The following NUP153 variants were observed in gnomAD, a reference collection of about 807,000 sequenced individuals.
NUP153 encodes the protein nuclear pore complex protein Nup153.
NUP153 carries 27 observed loss-of-function variants against 134.6 expected under a neutral mutation model. The observed-to-expected ratio is 0.20, with a 90% CI of 0.15 to 0.28. The LOEUF (loss-of-function observed/expected upper bound fraction) is 0.28, where lower values mean the gene tolerates loss of function less well. Among genes scored for constraint, NUP153 ranks in the 10% least tolerant of loss-of-function variants. NUP153 has a pLI of 1.00. For missense variants in NUP153, 1,821 were observed against 1,731.3 expected (o/e 1.05, Z -0.92); for synonymous variants, 640 against 623.5 (o/e 1.03, Z -0.40).
At position 17,639,987 on chromosome 6, in the gene NUP153, C is replaced by A; in HGVS notation, c.1798G>T (p.Ala600Ser). 2 of 1,612,836 alleles carry A rather than the reference C, an allele frequency of 1.2e-6. No homozygotes were observed. Among genetic ancestry groups the A allele is most frequent in the Non-Finnish European group, 1.7e-6 (2 of 1,179,214 alleles). The change falls in exon 15 of 22, where the codon GCA (alanine) becomes TCA (serine). Residue 600 changes from alanine (A) to serine (S), a missense_variant. Coordinates refer to ENST00000262077, the MANE Select transcript of NUP153 (RefSeq NM_005124.4). ...ACACTTCCTTCTTTCAGGATTTCTG[C>A]AGGTCTAAAAGGACCCTCACAATCT... ...PEDCEGPFRP[A>S]EILKEGSVLD... is the part of the protein sequence containing the mutation.
rs976395535 is a variant in NUP153 at position 17,680,040 on chromosome 6, T to C, written c.335-4270A>G. On this transcript the variant is annotated intron_variant, in intron 2 of 21. Coordinates refer to ENST00000262077, the MANE Select transcript of NUP153 (RefSeq NM_005124.4). This position sits in a 1 kb window ranked among gnomAD's most constrained non-coding sequence, Gnocchi z 4.5. ...AGCCCAGCCTGCATACCTTACCCCA[T>C]GTCAATTCCTGCGCTTTGCCTAATA... is the stretch of plus-strand genomic sequence containing the variant. 2.0e-5 allele frequency among the ~76,000 whole-genome samples: 3 copies of C among 152,154 alleles called. No individual in the cohort carries two copies. Among genetic ancestry groups the C allele is most frequent in the East Asian group, 3.9e-4 (2 of 5,190 alleles).
At position 17,647,798 on chromosome 6, in the gene NUP153, G is replaced by T; in HGVS notation, c.1632+9C>A. 6.6e-7 allele frequency: 1 copy of T among 1,505,390 alleles called. No homozygotes were observed. Among genetic ancestry groups the T allele is most frequent in the Non-Finnish European group, 9.2e-7 (1 of 1,082,818 alleles). 93.3% of individuals were successfully genotyped at this position (1,505,390 alleles called of 1,614,324 possible). ...AGTAAATATATACTATTCCTTGCTT[G>T]TTACTTACAGATGATGGAGGTAGTA... On this transcript the variant is annotated intron_variant, in intron 13 of 21. Transcript: ENST00000262077.
chr6:17,669,080 C>CT (rs1376789237), intron 7 of NUP153, 52 bp from the exon 8 acceptor site: 4 of 1,258,790 alleles, frequency 3.2e-6, no homozygotes, highest in Middle Eastern at 2.1e-4. Flanking sequence ...ATGAAAAATA[C>CT]CTTTTTTTTT....
Position 17,675,510 on chromosome 6 carries a change from T to C in NUP153, c.583+12A>G, listed in dbSNP as rs748222897. The C allele has an allele frequency of 6.2e-7, 1 of 1,613,328 alleles. No individual in the cohort carries two copies. Among genetic ancestry groups the C allele is most frequent in the Non-Finnish European group, 8.5e-7 (1 of 1,179,312 alleles). On this transcript the variant is annotated intron_variant, in intron 3 of 21. Transcript: ENST00000262077. This position sits in a 1 kb window ranked among gnomAD's most constrained non-coding sequence, Gnocchi z 4.4. Reference sequence around the variant, plus strand: ...ACTACCCAAATTATGTACTACCACATGTCAAGAATACCTTTATCAGAAGCT... The same window carrying C: ...ACTACCCAAATTATGTACTACCACACGTCAAGAATACCTTTATCAGAAGCT...
At chr6:17,700,184 C>T (rs1408173286) in intron 1 of NUP153, among the ~76,000 whole-genome samples, 1 of 150,242 alleles carries the variant, frequency 6.7e-6, no homozygotes, top group Admixed American at 6.6e-5. Flanking sequence ...TGGTCTCCCA[C>T]AAAAAAAAAG....
intron 1 of NUP153, among the ~76,000 whole-genome samples, chr6:17,690,780 T>C (rs1261610429): frequency 2.0e-5 from 3 of 152,110 alleles, no homozygotes; most frequent in East Asian, 1.9e-4. Flanking sequence ...GGCCTTAAAA[T>C]ATCCTGCCAA....
At chr6:17,641,837 G>A (rs1765858099) in intron 14 of NUP153, among the ~76,000 whole-genome samples, 1 of 5,100 alleles carries the variant, frequency 2.0e-4, no homozygotes, top group African/African-American at 2.2e-4. Context: ...GGGAGACAGA[G>A]CGAGACTGTC....
At chr6:17,703,389 TAACTA>T (rs1770253783) in intron 1 of NUP153, among the ~76,000 whole-genome samples, 1 of 151,968 alleles carries the variant, frequency 6.6e-6, no homozygotes, top group African/African-American at 2.4e-5. Context: ...AAACATCCAT[TAACTA>T]ACAGCGCCAG....
chr6:17,675,060 T>A lies in NUP153; in HGVS notation c.724-27A>T. ...TGCACAGAAACAGAATGATAAATTATAAGCCATATGAACCCAGGAGGTGGA... is the reference window on the plus strand; with the variant it reads ...TGCACAGAAACAGAATGATAAATTAAAAGCCATATGAACCCAGGAGGTGGA... On this transcript the variant is annotated intron_variant, in intron 4 of 21. Coordinates refer to ENST00000262077, the MANE Select transcript of NUP153 (RefSeq NM_005124.4). The surrounding 1 kb of genome is among the most constrained non-coding windows in gnomAD (Gnocchi z 4.4). 1.2e-6 allele frequency: 2 copies of A among 1,610,634 alleles called. No individual in the cohort carries two copies. Among genetic ancestry groups the A allele is most frequent in the Non-Finnish European group, 1.7e-6 (2 of 1,178,810 alleles).
At chr6:17,639,689 C>T (rs978919074) in intron 15 of NUP153, among the ~76,000 whole-genome samples, 1 of 152,124 alleles carries the variant, frequency 6.6e-6, no homozygotes, top group African/African-American at 2.4e-5. Flanking sequence ...CCTCACTGAC[C>T]TACCTCTATT....
At chr6:17,697,816 G>T (rs1441919905) in intron 1 of NUP153, among the ~76,000 whole-genome samples, 1 of 151,498 alleles carries the variant, frequency 6.6e-6, no homozygotes, top group Non-Finnish European at 1.5e-5. Context: ...GTGGGGGAAG[G>T]CTATTCTATA....
chr6:17,644,557 T>TA, intron 14 of NUP153, among the ~76,000 whole-genome samples: 1 of 152,276 alleles, frequency 6.6e-6, no homozygotes, highest in East Asian at 1.9e-4. Flanking sequence ...ATTTCTTGGG[T>TA]AAAATGCCCT....
intron 2 of NUP153, among the ~76,000 whole-genome samples, chr6:17,683,673 T>C (rs1407057511): frequency 6.6e-6 from 1 of 152,300 alleles, no homozygotes; most frequent in African/African-American, 2.4e-5. Context: ...ATCTTTGATA[T>C]GGTAAATAAG....
chr6:17,618,479 C>A (rs1318486986), intron 20 of NUP153, among the ~76,000 whole-genome samples: 1 of 151,188 alleles, frequency 6.6e-6, no homozygotes, highest in African/African-American at 2.4e-5. Flanking sequence ...TGGGGGGGAA[C>A]CCAGAGGGGC....
chr6:17,620,216 A>C (rs1273116578), intron 20 of NUP153, among the ~76,000 whole-genome samples: 1 of 152,078 alleles, frequency 6.6e-6, no homozygotes, highest in Admixed American at 6.5e-5. Flanking sequence ...AAGCTGAGGT[A>C]TCATACTATC....
chr6:17,616,439 G>T, intron 21 of NUP153, 88 bp downstream of exon 21: 3 of 1,158,454 alleles, frequency 2.6e-6, no homozygotes, highest in Middle Eastern at 2.0e-4. Flanking sequence ...AAACCATACG[G>T]AATCTTGATG....
chr6:17,634,782 G>C (rs908116869), intron 16 of NUP153, among the ~76,000 whole-genome samples: 1 of 152,028 alleles, frequency 6.6e-6, no homozygotes, highest in Non-Finnish European at 1.5e-5. Flanking sequence ...TGAAATCAAC[G>C]TCTTTAATTT....
chr6:17,678,971 TAAC>T (rs145033226), intron 2 of NUP153, among the ~76,000 whole-genome samples: 6,127 of 148,952 alleles, frequency 0.041, 384 homozygotes, highest in East Asian at 0.29. Flanking sequence ...AAATAAGTCT[TAAC>T]AAATATTTTA....
Position 17,624,811 on chromosome 6 carries a change from A to C in NUP153, c.3924T>G (p.Thr1308=). 1 of 1,609,822 alleles carries C rather than the reference A, an allele frequency of 6.2e-7. No homozygotes were observed. Among genetic ancestry groups the C allele is most frequent in the Non-Finnish European group, 8.5e-7 (1 of 1,177,156 alleles). ...SSAGSSFVFG[T]GPSAPSASPA... Reference sequence around the variant, plus strand: ...GACTGGCAGATGGTGCTGAGGGTCCAGTTCCAAATACAAAGGAGGATCCTG... The same window carrying C: ...GACTGGCAGATGGTGCTGAGGGTCCCGTTCCAAATACAAAGGAGGATCCTG... Residue 1308 remains threonine (T), a synonymous_variant, in exon 20 of 22, where the codon ACT becomes ACG. Transcript: ENST00000262077.
Sources: gnomAD v4.1 joint callset for allele counts (sites outside exome capture counted in the v4.1 genomes callset) on GRCh38, gnomAD v4.1.1 for gene constraint, Gnocchi (gnomAD v3.1) non-coding constraint, MANE v1.5 for transcripts, NCBI Gene and HGNC (gene_info 2026-07-23, HGNC 2026-07-21) for gene names.